SLC14A2: variants seen among roughly 807,000 people sequenced by gnomAD.
SLC14A2 encodes solute carrier family 14 member 2, also known as urea transporter 2.
SLC14A2 carries 91 observed loss-of-function variants against 104.6 expected under a neutral mutation model. The observed-to-expected ratio is 0.87, with a 90% CI of 0.73 to 1.04. The LOEUF (loss-of-function observed/expected upper bound fraction) is 1.04, where lower values mean the gene tolerates loss of function less well. Ranked by LOEUF, SLC14A2 falls within the 50% of genes least tolerant of loss-of-function variation. The pLI is 0.00. For missense variants in SLC14A2, 1,189 were observed against 1,156.0 expected (o/e 1.03, Z -0.41); for synonymous variants, 476 against 466.4 (o/e 1.02, Z -0.27).
chr18:45,583,100 G>A (rs1384282450), intron 2 of SLC14A2, among the ~76,000 whole-genome samples: 1 of 152,238 alleles, frequency 6.6e-6, no homozygotes, highest in Non-Finnish European at 1.5e-5. Flanking sequence ...AAGCAGGAAG[G>A]AGTAGAGCAA....
At chr18:45,650,587 A>G (rs546337565) in intron 10 of SLC14A2, among the ~76,000 whole-genome samples, 6 of 152,350 alleles carry the variant, frequency 3.9e-5, no homozygotes, top group Admixed American at 6.5e-5. Context: ...ACAAACCAGG[A>G]AAGAATCAGA....
intron 2 of SLC14A2, among the ~76,000 whole-genome samples, chr18:45,509,731 A>AG (rs752967426): frequency 1.4e-4 from 21 of 152,280 alleles, no homozygotes; most frequent in South Asian, 4.1e-4. Flanking sequence ...ATGGTTCTTG[A>AG]GGGAGGTTCC....
the SLC14A2 span, among the ~76,000 whole-genome samples, chr18:45,204,756 C>A: frequency 6.6e-6 from 1 of 151,260 alleles, no homozygotes; most frequent in Non-Finnish European, 1.5e-5. Flanking sequence ...CAAATTCAAC[C>A]AATGCATTTT....
At chr18:45,183,425 C>T in the SLC14A2 span, among the ~76,000 whole-genome samples, 1 of 152,164 alleles carries the variant, frequency 6.6e-6, no homozygotes, top group Non-Finnish European at 1.5e-5. Flanking sequence ...CAGCAGCCTA[C>T]TCGCACCATA....
chr18:45,667,789 C>A, intron 13 of SLC14A2, 44 bp from the exon 14 acceptor site: 1 of 1,553,352 alleles, frequency 6.4e-7, no homozygotes. Context: ...CCAGGGCTGC[C>A]CACACTGAGC....
chr18:45,178,409 C>G, the SLC14A2 span, among the ~76,000 whole-genome samples: 1 of 151,448 alleles, frequency 6.6e-6, no homozygotes, highest in Non-Finnish European at 1.5e-5. Context: ...GAAAACATAG[C>G]AGAATAAAAG....
chr18:45,176,179 G>T, the SLC14A2 span, among the ~76,000 whole-genome samples: 1 of 152,116 alleles, frequency 6.6e-6, no homozygotes. Context: ...AATCACTAAG[G>T]TTCCTAAGCA....
At chr18:45,218,134 C>A (rs7227110) in intron 1 of SLC14A2, among the ~76,000 whole-genome samples, 18,776 of 152,162 alleles carry the variant, frequency 0.12, 1,342 homozygotes, top group African/African-American at 0.2. Flanking sequence ...AGAACTTCAT[C>A]CCCCCGAAGT....
At chr18:45,247,338 G>A (rs913448344) in intron 1 of SLC14A2, among the ~76,000 whole-genome samples, 29 of 152,266 alleles carry the variant, frequency 1.9e-4, no homozygotes, top group African/African-American at 5.1e-4. Flanking sequence ...ATAAGTTTGC[G>A]AGAATTGAGC....
At chr18:45,617,902 T>C (rs2045098794) in intron 1 of SLC14A2, among the ~76,000 whole-genome samples, 1 of 152,138 alleles carries the variant, frequency 6.6e-6, no homozygotes, top group Non-Finnish European at 1.5e-5. Flanking sequence ...GGGGTTGTGT[T>C]TGGTGAGCCA....
At chr18:45,649,240 C>A (rs1397384039) in intron 10 of SLC14A2, among the ~76,000 whole-genome samples, 5 of 152,068 alleles carry the variant, frequency 3.3e-5, no homozygotes, top group African/African-American at 1.2e-4. Flanking sequence ...ATGAAAAATA[C>A]TTTTCCCTGA....
intron 2 of SLC14A2, among the ~76,000 whole-genome samples, chr18:45,492,841 A>G (rs1407819839): frequency 6.6e-6 from 1 of 152,200 alleles, no homozygotes; most frequent in African/African-American, 2.4e-5. Context: ...GCTTTCCTCA[A>G]TAGAGCCAAT....
upstream of SLC14A2, among the ~76,000 whole-genome samples, chr18:45,613,603 G>A (rs974056166): frequency 6.6e-6 from 1 of 152,238 alleles, no homozygotes; most frequent in East Asian, 1.9e-4. Flanking sequence ...TGAGGAACTT[G>A]TTGGGAACTG....
chr18:45,405,057 T>C (rs2086138610), intron 1 of SLC14A2, among the ~76,000 whole-genome samples: 1 of 152,158 alleles, frequency 6.6e-6, no homozygotes, highest in Non-Finnish European at 1.5e-5. Flanking sequence ...AGAAGATCCA[T>C]GTCCCTACTA....
At chr18:45,250,999 A>C (rs891796868) in intron 1 of SLC14A2, among the ~76,000 whole-genome samples, 4 of 152,148 alleles carry the variant, frequency 2.6e-5, no homozygotes, top group African/African-American at 9.7e-5. Context: ...TTCATAATTC[A>C]GCCATAGACA....
At chr18:45,334,407 T>C (rs1312116730) in intron 1 of SLC14A2, among the ~76,000 whole-genome samples, 1 of 152,216 alleles carries the variant, frequency 6.6e-6, no homozygotes, top group Non-Finnish European at 1.5e-5. Context: ...TATATTCCTC[T>C]TTTTTGTTTT....
At chr18:45,320,972 A>G (rs1029811933) in intron 1 of SLC14A2, among the ~76,000 whole-genome samples, 1 of 152,240 alleles carries the variant, frequency 6.6e-6, no homozygotes. Context: ...GCGATTTCAC[A>G]TGGGGAAAAT....
chr18:45,391,116 T>C (rs2085957346), intron 1 of SLC14A2, among the ~76,000 whole-genome samples: 1 of 152,102 alleles, frequency 6.6e-6, no homozygotes, highest in Non-Finnish European at 1.5e-5. Flanking sequence ...TGTGTGATGT[T>C]CCCCTTCCTG....
Position 45,636,979 on chromosome 18 carries a change from T to C in SLC14A2, c.651-11T>C. 6.2e-7 allele frequency: 1 copy of C among 1,611,706 alleles called. No homozygotes were observed. Reference sequence around the variant, plus strand: ...TCACAGGGATTAACCCTCTGTCTCTTGCATCTTCAGCCCAGTTCTTTCTAG... The same window carrying C: ...TCACAGGGATTAACCCTCTGTCTCTCGCATCTTCAGCCCAGTTCTTTCTAG... On this transcript the variant is annotated splice_polypyrimidine_tract_variant and intron_variant, in intron 5 of 19. Transcript: ENST00000255226.
Sources: allele counts gnomAD v4.1 joint callset (sites outside exome capture counted in the v4.1 genomes callset), GRCh38; gene constraint gnomAD v4.1.1; transcripts MANE v1.5; gene names NCBI Gene and HGNC (gene_info 2026-07-23, HGNC 2026-07-21).